Variants in PRKD1 observed in about 807,000 individuals in gnomAD.
PRKD1 encodes serine/threonine-protein kinase D1.
A neutral mutation model predicts 95.9 loss-of-function variants in PRKD1; 63 were observed. The ratio of observed to expected loss-of-function variants is 0.66; its 90% CI spans 0.54 to 0.81. PRKD1 has a LOEUF of 0.81. Among genes scored for constraint, PRKD1 ranks in the 30% least tolerant of loss-of-function variants. PRKD1 has a pLI of 0.00. For synonymous variants in PRKD1, 425 were observed against 423.1 expected, an observed-to-expected ratio of 1.00 and a Z score of -0.05; for missense variants, 1,048 against 1,165.3, an observed-to-expected ratio of 0.90 and a Z score of 1.47.
chr14:29,738,719 G>A (rs547535033), intron 1 of PRKD1, among the ~76,000 whole-genome samples: 27 of 152,028 alleles, frequency 1.8e-4, no homozygotes, highest in East Asian at 5.8e-4. Context: ...CTGCAATCAC[G>A]TAACCTTCTG....
chr14:29,662,009 T>C (rs1473722086), intron 4 of PRKD1, among the ~76,000 whole-genome samples: 1 of 152,226 alleles, frequency 6.6e-6, no homozygotes, highest in Non-Finnish European at 1.5e-5. Flanking sequence ...AGTGGTTATT[T>C]AATTTGGTTA....
chr14:29,873,062 T>C (rs1893168632), intron 1 of PRKD1, among the ~76,000 whole-genome samples: 1 of 152,136 alleles, frequency 6.6e-6, no homozygotes, highest in South Asian at 2.1e-4. Flanking sequence ...ATTTTGATGC[T>C]GCCTATACTA....
chr14:29,789,277 T>C (rs530282111), intron 1 of PRKD1, among the ~76,000 whole-genome samples: 1 of 152,220 alleles, frequency 6.6e-6, no homozygotes, highest in Non-Finnish European at 1.5e-5. Flanking sequence ...GAAAAATTAT[T>C]GTGAACCTTT....
intron 1 of PRKD1, among the ~76,000 whole-genome samples, chr14:29,897,333 C>T (rs1186006782): frequency 1.3e-5 from 2 of 151,980 alleles, no homozygotes; most frequent in Non-Finnish European, 2.9e-5. Context: ...GAGTTGTTTG[C>T]TATTTGTTTC....
intron 16 of PRKD1, among the ~76,000 whole-genome samples, chr14:29,587,452 T>C (rs1347623814): frequency 2.0e-5 from 3 of 152,196 alleles, no homozygotes; most frequent in African/African-American, 7.2e-5. Context: ...AACTAAACTA[T>C]GATGTACATT....
intron 1 of PRKD1, among the ~76,000 whole-genome samples, chr14:29,805,955 G>A (rs1890215080): frequency 1.3e-5 from 2 of 152,192 alleles, no homozygotes; most frequent in African/African-American, 4.8e-5. Flanking sequence ...AGGGAAAATT[G>A]AGAAAGTGGA....
chr14:29,801,085 T>TTG (rs924129623), intron 1 of PRKD1, among the ~76,000 whole-genome samples: 6 of 151,042 alleles, frequency 4.0e-5, no homozygotes, highest in African/African-American at 7.3e-5. Flanking sequence ...GTGTGTGTGT[T>TTG]TGTGTGTGTG....
At chr14:29,742,586 C>A (rs760212033) in intron 1 of PRKD1, among the ~76,000 whole-genome samples, 3 of 152,050 alleles carry the variant, frequency 2.0e-5, no homozygotes, top group Non-Finnish European at 4.4e-5. Context: ...GCAAGTTACA[C>A]TTGACCCCAT....
chr14:29,758,862 T>G (rs973514979), intron 1 of PRKD1, among the ~76,000 whole-genome samples: 2 of 152,304 alleles, frequency 1.3e-5, no homozygotes, highest in East Asian at 3.9e-4. Flanking sequence ...CTATCACACT[T>G]CAAGAATTCT....
At chr14:29,861,924 T>G (rs1442740882) in intron 1 of PRKD1, among the ~76,000 whole-genome samples, 1 of 152,206 alleles carries the variant, frequency 6.6e-6, no homozygotes, top group Non-Finnish European at 1.5e-5. Flanking sequence ...AGTGCTGGGA[T>G]TATAGTCGTG....
intron 2 of PRKD1, among the ~76,000 whole-genome samples, chr14:29,692,896 T>A (rs1884315100): frequency 6.6e-6 from 1 of 152,204 alleles, no homozygotes; most frequent in Non-Finnish European, 1.5e-5. Context: ...TATTGATTCA[T>A]TTCATCGTAA....
chr14:29,682,422 A>T (rs1320847760), intron 2 of PRKD1, among the ~76,000 whole-genome samples: 3 of 152,196 alleles, frequency 2.0e-5, no homozygotes, highest in African/African-American at 7.2e-5. Flanking sequence ...AGTCTCATTA[A>T]CATAATTTTA....
intron 1 of PRKD1, among the ~76,000 whole-genome samples, chr14:29,845,408 A>G (rs2139326018): frequency 6.6e-6 from 1 of 152,328 alleles, no homozygotes. Flanking sequence ...GACTATTCAC[A>G]GAATTATTAG....
chr14:29,602,237 G>A (rs901693764), intron 13 of PRKD1, among the ~76,000 whole-genome samples: 2 of 152,042 alleles, frequency 1.3e-5, no homozygotes, highest in African/African-American at 4.8e-5. Context: ...AAGCGTTAAG[G>A]GAGAGTGACC....
intron 1 of PRKD1, among the ~76,000 whole-genome samples, chr14:29,734,309 G>A (rs556937420): frequency 1.7e-4 from 26 of 152,018 alleles, no homozygotes; most frequent in African/African-American, 6.0e-4. Flanking sequence ...CAAAGTGCTG[G>A]TATTACGGGT....
At chr14:29,914,842 G>T (rs141297278) in intron 1 of PRKD1, among the ~76,000 whole-genome samples, 1 of 151,194 alleles carries the variant, frequency 6.6e-6, no homozygotes, top group African/African-American at 2.4e-5. Context: ...GCGTGATCTC[G>T]GCTAACTGCA....
intron 16 of PRKD1, among the ~76,000 whole-genome samples, chr14:29,586,488 A>G (rs1892933665): frequency 6.6e-6 from 1 of 152,204 alleles, no homozygotes; most frequent in Non-Finnish European, 1.5e-5. Flanking sequence ...GCTTATCAAC[A>G]ATATATGTAA....
chr14:29,907,007 A>T (rs142981605), intron 1 of PRKD1, among the ~76,000 whole-genome samples: 2 of 152,256 alleles, frequency 1.3e-5, no homozygotes, highest in African/African-American at 4.8e-5. Flanking sequence ...GACAAGTAAA[A>T]TCTTGAAATG....
At chr14:29,760,175 T>A (rs1345598800) in intron 1 of PRKD1, among the ~76,000 whole-genome samples, 1 of 152,110 alleles carries the variant, frequency 6.6e-6, no homozygotes, top group Non-Finnish European at 1.5e-5. Flanking sequence ...AATTCCCTTT[T>A]ACTCATATTG....
Sources: allele counts gnomAD v4.1 joint callset (sites outside exome capture counted in the v4.1 genomes callset), GRCh38; gene constraint gnomAD v4.1.1; transcripts MANE v1.5; gene names NCBI Gene and HGNC (gene_info 2026-07-23, HGNC 2026-07-21).